Variants in REV1 observed in about 807,000 individuals in gnomAD.
REV1 encodes translesion synthesis protein REV1.
In REV1, 42 loss-of-function variants were observed where a neutral mutation model predicts 137.4. The observed-to-expected ratio is 0.31, with a 90% CI of 0.24 to 0.40. The LOEUF (loss-of-function observed/expected upper bound fraction) is 0.40, where lower values mean the gene tolerates loss of function less well. REV1 is among the 10% of genes least tolerant of loss of function. The pLI is 1.00. For synonymous variants in REV1, 524 were observed against 519.2 expected (o/e 1.01, Z -0.12); for missense variants, 1,282 against 1,490.1 (o/e 0.86, Z 2.30).
intron 1 of REV1, among the ~76,000 whole-genome samples, chr2:99,476,713 A>G (rs1202661068): frequency 6.6e-6 from 1 of 152,166 alleles, no homozygotes; most frequent in African/African-American, 2.4e-5. Flanking sequence ...CTAAAGGTCA[A>G]CCATGCCAAC....
chr2:99,424,959 A>G, intron 9 of REV1: 6 of 1,146,762 alleles, frequency 5.2e-6, no homozygotes, highest in Non-Finnish European at 6.8e-6. Flanking sequence ...TACCTTTGAC[A>G]TTTGGAGCAT....
At position 99,401,274 on chromosome 2, in the gene REV1, T is replaced by C; in HGVS notation, c.3723A>G (p.Gln1241=). The change falls in exon 23 of 23, where the codon CAA becomes CAG. Residue 1241 remains glutamine (Q), a synonymous_variant. Coordinates refer to ENST00000258428, the MANE Select transcript of REV1 (RefSeq NM_016316.4). ...CTTTTAATGTGCTTCCATAAGTTTG[T>C]TGTAAAACCACCTGGACATTGTCAA... ...FILDNVQVVL[Q]QTYGSTLKVT is the part of the protein sequence containing the mutation. The C allele has an allele frequency of 1.2e-6, 2 of 1,613,244 alleles. No individual in the cohort carries two copies. The highest frequency in any genetic ancestry group is 1.1e-5 in the South Asian group (1 of 91,046).
chr2:99,485,414 G>GA (rs1242157506), intron 1 of REV1, among the ~76,000 whole-genome samples: 1 of 152,182 alleles, frequency 6.6e-6, no homozygotes, highest in Non-Finnish European at 1.5e-5. Context: ...AATCTGAGGG[G>GA]AAAAACCCAG....
At chr2:99,423,579 A>G (rs1029986523) in intron 10 of REV1, among the ~76,000 whole-genome samples, 2 of 152,184 alleles carry the variant, frequency 1.3e-5, no homozygotes. Flanking sequence ...ATATATCTAC[A>G]CTTTTAAATA....
At chr2:99,475,602 G>C (rs916509247) in intron 1 of REV1, among the ~76,000 whole-genome samples, 2 of 151,982 alleles carry the variant, frequency 1.3e-5, no homozygotes, top group Non-Finnish European at 2.9e-5. Flanking sequence ...ATGATTCTGC[G>C]CTTGAACCCA....
chr2:99,484,413 G>C (rs905864495), intron 1 of REV1, among the ~76,000 whole-genome samples: 1 of 152,008 alleles, frequency 6.6e-6, no homozygotes, highest in Admixed American at 6.6e-5. Flanking sequence ...TAGTCAGCAG[G>C]AAACACATCA....
At chr2:99,466,946 A>G (rs1462207149) in intron 1 of REV1, among the ~76,000 whole-genome samples, 3 of 152,258 alleles carry the variant, frequency 2.0e-5, no homozygotes, top group African/African-American at 7.2e-5. Context: ...TCTGGGAGAT[A>G]CATTAACACA....
chr2:99,446,718 C>T (rs1348645476), intron 4 of REV1, among the ~76,000 whole-genome samples: 1 of 152,104 alleles, frequency 6.6e-6, no homozygotes, highest in Non-Finnish European at 1.5e-5. Flanking sequence ...TGGTCTTGAA[C>T]TCCTGACCTC....
chr2:99,447,577 T>C (rs772000952), intron 4 of REV1, among the ~76,000 whole-genome samples: 1 of 152,238 alleles, frequency 6.6e-6, no homozygotes, highest in Non-Finnish European at 1.5e-5. Flanking sequence ...TAGCTTCTTA[T>C]ATATTACACC....
chr2:99,483,230 G>A (rs189258932), intron 1 of REV1, among the ~76,000 whole-genome samples: 140 of 152,132 alleles, frequency 9.2e-4, no homozygotes, highest in African/African-American at 3.3e-3. Context: ...AAAAATCTAA[G>A]TAGTTTCAAC....
chr2:99,428,830 A>T (rs1679724090), intron 9 of REV1, among the ~76,000 whole-genome samples: 1 of 152,006 alleles, frequency 6.6e-6, no homozygotes, highest in African/African-American at 2.4e-5. Context: ...TCTACTAAAA[A>T]AATACAAAAA....
At chr2:99,401,467 A>G in intron 22 of REV1, 115 bp from the exon 23 acceptor site, 1 of 651,688 alleles carries the variant, frequency 1.5e-6, no homozygotes, top group South Asian at 2.2e-5. Flanking sequence ...AGTCCTGGCC[A>G]GGTGCGGTGT....
At chr2:99,473,409 A>C (rs6542881) in intron 1 of REV1, among the ~76,000 whole-genome samples, 64,557 of 150,756 alleles carry the variant, frequency 0.43, 14,065 homozygotes, top group Admixed American at 0.58. Flanking sequence ...AAAGAAAAAA[A>C]TTCAGACACC....
intron 13 of REV1, among the ~76,000 whole-genome samples, chr2:99,411,597 C>T (rs796337352): frequency 9.2e-5 from 14 of 151,492 alleles, no homozygotes; most frequent in African/African-American, 3.1e-4. Context: ...TTAGTAGAGA[C>T]GGGGTTTCAC....
intron 15 of REV1, among the ~76,000 whole-genome samples, chr2:99,407,580 T>C (rs1350016059): frequency 6.6e-6 from 1 of 151,350 alleles, no homozygotes; most frequent in Non-Finnish European, 1.5e-5. Context: ...CAAAAATCTA[T>C]GGTTTTGACA....
At chr2:99,455,635 G>A (rs921510267) in intron 3 of REV1, among the ~76,000 whole-genome samples, 2 of 152,144 alleles carry the variant, frequency 1.3e-5, no homozygotes, top group Admixed American at 1.3e-4. Flanking sequence ...CAAGATGAGA[G>A]TCTCACAGGA....
intron 12 of REV1, among the ~76,000 whole-genome samples, chr2:99,416,584 G>A (rs1677893740): frequency 6.6e-6 from 1 of 152,286 alleles, no homozygotes; most frequent in East Asian, 1.9e-4. Flanking sequence ...GAAATTCAAG[G>A]CTGTGCCTCA....
Position 99,403,030 on chromosome 2 carries a change from A to T in REV1, c.3243T>A (p.Gly1081=), listed in dbSNP as rs1675700191. 1 of 1,614,052 alleles carries T rather than the reference A, an allele frequency of 6.2e-7. No homozygotes were observed. Among genetic ancestry groups the T allele is most frequent in the African/African-American group, 1.3e-5 (1 of 75,018 alleles). ...KKRNKKKKTI[G]SPKRIQSPLN... ...AAGGACTCTGAATCCTTTTTGGTGA[A>T]CCAATGGTTTTTTTCTTCTTGTTTC... Residue 1081 remains glycine, a synonymous_variant, in exon 20 of 23, where the codon GGT becomes GGA. Coordinates refer to ENST00000258428, the MANE Select transcript of REV1 (RefSeq NM_016316.4).
intron 9 of REV1, chr2:99,424,625 G>A: frequency 3.5e-6 from 2 of 564,748 alleles, no homozygotes; most frequent in Non-Finnish European, 5.4e-6. Context: ...CCACAGAGCA[G>A]GAATATGCTG....
Sources: allele counts gnomAD v4.1 joint callset (sites outside exome capture counted in the v4.1 genomes callset), GRCh38; gene constraint gnomAD v4.1.1; transcripts MANE v1.5; gene names NCBI Gene and HGNC (gene_info 2026-07-23, HGNC 2026-07-21).